CSMD1: variants seen among roughly 807,000 people sequenced by gnomAD.
The protein encoded by CSMD1 is CUB and sushi domain-containing protein 1.
In CSMD1, 213 loss-of-function variants were observed where a neutral mutation model predicts 417.5. The observed-to-expected ratio is 0.51, with a 90% CI of 0.46 to 0.57. The LOEUF is 0.57. Ranked by LOEUF, CSMD1 falls within the 20% of genes least tolerant of loss-of-function variation. CSMD1 has a pLI of 0.00. For synonymous variants in CSMD1, 2,862 were observed against 1,736.8 expected (o/e 1.65, Z -16.11); for missense variants, 6,923 against 4,529.7 (o/e 1.53, Z -15.17).
chr8:3,211,099 C>T (rs1797579997), intron 30 of CSMD1, among the ~76,000 whole-genome samples: 2 of 152,136 alleles, frequency 1.3e-5, no homozygotes, highest in African/African-American at 4.8e-5. Context: ...GGCTGGAGTG[C>T]AGTGATCCAG....
intron 3 of CSMD1, among the ~76,000 whole-genome samples, chr8:4,332,318 CTCATA>C (rs1395498606): frequency 2.0e-5 from 3 of 152,068 alleles, no homozygotes; most frequent in African/African-American, 4.8e-5. Flanking sequence ...TCAGTCCTTT[CTCATA>C]TGAGGATCAC....
intron 5 of CSMD1, among the ~76,000 whole-genome samples, chr8:3,940,902 A>C (rs977316984): frequency 5.3e-5 from 8 of 150,992 alleles, no homozygotes; most frequent in African/African-American, 2.0e-4. Context: ...CCCCGAGATT[A>C]TGTCTACATT....
intron 12 of CSMD1, among the ~76,000 whole-genome samples, chr8:3,425,864 C>CA (rs1473468625): frequency 1.3e-5 from 2 of 152,014 alleles, no homozygotes; most frequent in Non-Finnish European, 2.9e-5. Context: ...TAAAACTGAT[C>CA]AAAGATGACC....
chr8:4,188,809 G>C (rs1047858660), intron 3 of CSMD1, among the ~76,000 whole-genome samples: 7 of 151,810 alleles, frequency 4.6e-5, no homozygotes, highest in African/African-American at 1.7e-4. Flanking sequence ...AATATTATGG[G>C]GGAGGATGGT....
At chr8:4,537,116 T>C (rs1797139440) in intron 2 of CSMD1, among the ~76,000 whole-genome samples, 1 of 152,198 alleles carries the variant, frequency 6.6e-6, no homozygotes, top group African/African-American at 2.4e-5. Context: ...TTTTCAAATA[T>C]GCATTTATAT....
intron 21 of CSMD1, among the ~76,000 whole-genome samples, chr8:3,349,952 ATG>A (rs746099169): frequency 6.5e-4 from 95 of 145,470 alleles, no homozygotes; most frequent in Non-Finnish European, 1.2e-3. Context: ...TTATATGTGT[ATG>A]TGTGTTATAA....
At chr8:3,742,929 T>C (rs74985428) in intron 6 of CSMD1, among the ~76,000 whole-genome samples, 11,525 of 152,260 alleles carry the variant, frequency 0.076, 499 homozygotes, top group East Asian at 0.13. Flanking sequence ...AGCAGCCTCA[T>C]GTCGCACTCA....
chr8:4,312,697 C>G (rs1017908765), intron 3 of CSMD1, among the ~76,000 whole-genome samples: 3 of 151,740 alleles, frequency 2.0e-5, no homozygotes, highest in East Asian at 3.9e-4. Flanking sequence ...GCCAACCTGA[C>G]GAAACCCCAT....
chr8:4,737,824 A>T lies in CSMD1; in HGVS notation c.86-100266T>A, dbSNP rs140634565. 4.3e-3 allele frequency among the ~76,000 whole-genome samples: 648 copies of T among 152,340 alleles called. 2 individuals are homozygous for T. Among genetic ancestry groups the T allele is most frequent in the Non-Finnish European group, 6.4e-3 (436 of 68,028 alleles). On this transcript the variant is annotated intron_variant, in intron 1 of 69. Coordinates refer to ENST00000635120, the MANE Select transcript of CSMD1 (RefSeq NM_033225.6). ...GGTAGCATCTAAAGTAATGGGCAGC[A>T]TATGGTAGGAAAGGGAGGAGGAGTC...
intron 23 of CSMD1, among the ~76,000 whole-genome samples, chr8:3,318,351 G>C (rs2113347): frequency 0.33 from 49,934 of 151,990 alleles, 9,509 homozygotes; most frequent in South Asian, 0.54. Flanking sequence ...CATATCCTCT[G>C]GCCTACCGCA....
At chr8:3,985,792 G>A (rs1050823614) in intron 5 of CSMD1, among the ~76,000 whole-genome samples, 1 of 146,750 alleles carries the variant, frequency 6.8e-6, no homozygotes, top group Non-Finnish European at 1.5e-5. Context: ...GTCTCACCCT[G>A]TCGCCCAGAT....
intron 2 of CSMD1, among the ~76,000 whole-genome samples, chr8:4,425,183 A>G (rs2099833731): frequency 6.6e-6 from 1 of 152,024 alleles, no homozygotes; most frequent in Admixed American, 6.6e-5. Flanking sequence ...AAAAATTGTG[A>G]TTACGAAGGG....
At chr8:4,468,696 G>C (rs991481830) in intron 2 of CSMD1, among the ~76,000 whole-genome samples, 18 of 152,280 alleles carry the variant, frequency 1.2e-4, no homozygotes, top group African/African-American at 4.1e-4. Context: ...CATAACAAGA[G>C]TGTTTAGCAT....
At chr8:2,969,165 C>A (rs760821762) in intron 57 of CSMD1, among the ~76,000 whole-genome samples, 3 of 152,094 alleles carry the variant, frequency 2.0e-5, no homozygotes, top group Non-Finnish European at 4.4e-5. Context: ...TACCAAATTA[C>A]CCACGCTATA....
At chr8:3,926,033 A>T (rs959204246) in intron 5 of CSMD1, among the ~76,000 whole-genome samples, 1 of 136,182 alleles carries the variant, frequency 7.3e-6, no homozygotes, top group Non-Finnish European at 1.6e-5. Flanking sequence ...ACACACACAC[A>T]CACACACACA....
chr8:4,140,249 C>T (rs999994073), intron 3 of CSMD1, among the ~76,000 whole-genome samples: 2 of 150,864 alleles, frequency 1.3e-5, no homozygotes, highest in East Asian at 3.9e-4. Context: ...TGTCATCTAG[C>T]ACTTTGGGAA....
intron 3 of CSMD1, among the ~76,000 whole-genome samples, chr8:4,236,444 C>T (rs1802068623): frequency 6.6e-6 from 1 of 152,166 alleles, no homozygotes; most frequent in Non-Finnish European, 1.5e-5. Flanking sequence ...CCGGGTAACA[C>T]TGTGACATTT....
intron 16 of CSMD1, among the ~76,000 whole-genome samples, chr8:3,398,154 C>A (rs111759009): frequency 9.1e-4 from 139 of 152,258 alleles, no homozygotes; most frequent in African/African-American, 3.3e-3. Context: ...AATATAGGAT[C>A]ACTACTTTTA....
In CSMD1 at chr8:3,269,307, C is replaced by T. The variant is rs559376797; in HGVS notation, c.4153+14837G>A. ...TCTGCCAGTCCCATGAGGAAGATGC[C>T]GAGAGCAGAGGGGAGCGATGGCTCC... On this transcript the variant is annotated intron_variant, in intron 26 of 69. Transcript: ENST00000635120. Among the ~76,000 whole-genome samples the T allele has an allele frequency of 1.1e-4, 17 of 152,294 alleles. No homozygotes were observed. In the South Asian group the frequency reaches 2.5e-3, roughly 22 times the overall value.
Sources: gnomAD v4.1 joint callset for allele counts (sites outside exome capture counted in the v4.1 genomes callset) on GRCh38, gnomAD v4.1.1 for gene constraint, MANE v1.5 for transcripts, NCBI Gene and HGNC (gene_info 2026-07-23, HGNC 2026-07-21) for gene names.